Variants in EBF1 observed in about 807,000 individuals in gnomAD.
EBF1 encodes transcription factor COE1.
In EBF1, 10 loss-of-function variants were observed where a neutral mutation model predicts 68.4. The observed-to-expected ratio is 0.15, with a 90% confidence interval of 0.09 to 0.25. EBF1 has a LOEUF of 0.25. EBF1 is among the 10% of genes least tolerant of loss of function. EBF1 has a pLI of 1.00. For synonymous variants in EBF1, 298 were observed against 299.8 expected, an observed-to-expected ratio of 0.99 and a Z score of 0.06; for missense variants, 509 against 794.4, an observed-to-expected ratio of 0.64 and a Z score of 4.32.
rs548377566 is a variant in EBF1 at position 158,827,035 on chromosome 5, C to A, written c.637-3718G>T. ...TGTCCCTGACTCTCAATGGGAATAA[C>A]CACCATACTTAACTCATAAGGTAAC... is the stretch of plus-strand genomic sequence containing the variant. On this transcript the variant is annotated intron_variant, in intron 7 of 15. Coordinates refer to ENST00000313708, the MANE Select transcript of EBF1 (RefSeq NM_024007.5). 7.9e-5 allele frequency among the ~76,000 whole-genome samples: 12 copies of A among 152,220 alleles called. No individual in the cohort carries two copies. In the South Asian group the frequency reaches 2.1e-3, roughly 26 times the overall value.
intron 8 of EBF1, among the ~76,000 whole-genome samples, chr5:158,803,354 GTT>G (rs34836103): frequency 0.79 from 106,111 of 133,872 alleles, 41,704 homozygotes; most frequent in East Asian, 0.91. Context: ...TTTTGCTGGT[GTT>G]TTTTTTTTTT....
At chr5:158,900,918 T>C (rs930595537) in intron 6 of EBF1, among the ~76,000 whole-genome samples, 4 of 152,222 alleles carry the variant, frequency 2.6e-5, no homozygotes, top group Non-Finnish European at 5.9e-5. Context: ...CATTAGTCAA[T>C]TGGAGAACAG....
intron 6 of EBF1, among the ~76,000 whole-genome samples, chr5:159,063,924 C>T (rs1465115707): frequency 6.6e-6 from 1 of 152,130 alleles, no homozygotes; most frequent in African/African-American, 2.4e-5. Context: ...AACTGAGCCC[C>T]CTGAGGCTCA....
At chr5:158,909,328 T>A (rs1239894870) in intron 6 of EBF1, among the ~76,000 whole-genome samples, 1 of 152,034 alleles carries the variant, frequency 6.6e-6, no homozygotes, top group East Asian at 1.9e-4. Context: ...AGGGGTTCTG[T>A]TTGGCTGGTT....
At chr5:158,735,205 A>C (rs1307390818) in intron 10 of EBF1, among the ~76,000 whole-genome samples, 1 of 152,188 alleles carries the variant, frequency 6.6e-6, no homozygotes, top group African/African-American at 2.4e-5. Flanking sequence ...CTCTACTTGC[A>C]GAGCTGGGAT....
rs917707531 is a variant in EBF1, at chr5:158,696,397, C to G, written c.*2714G>C. The G allele has an allele frequency of 4.5e-6, 1 of 221,828 alleles. No individual in the cohort carries two copies. The highest frequency in any genetic ancestry group is 9.0e-6 in the Non-Finnish European group (1 of 110,982). The allele number at this position is 221,828 out of a possible 1,614,324, so 13.7% of individuals were successfully genotyped here. On this transcript the variant is annotated 3_prime_UTR_variant, in exon 16 of 16. Coordinates refer to ENST00000313708, the MANE Select transcript of EBF1 (RefSeq NM_024007.5). ...ACATTTTAAAGGCTCTTTGGACTTTCAAGAAGAGTTCTAACCACTGCACAT... is the reference window on the plus strand; with the variant it reads ...ACATTTTAAAGGCTCTTTGGACTTTGAAGAAGAGTTCTAACCACTGCACAT...
intron 6 of EBF1, among the ~76,000 whole-genome samples, chr5:158,972,930 C>G (rs776367822): frequency 1.3e-5 from 2 of 152,228 alleles, no homozygotes; most frequent in Admixed American, 6.5e-5. Context: ...AAGGCTCTGT[C>G]CCTCTGCTCC....
At chr5:158,977,112 T>C (rs1185039978) in intron 6 of EBF1, among the ~76,000 whole-genome samples, 1 of 152,154 alleles carries the variant, frequency 6.6e-6, no homozygotes, top group Non-Finnish European at 1.5e-5. Context: ...GCGACTATCA[T>C]GGAACCAGAG....
Position 158,805,308 on chromosome 5 carries a change from C to T in EBF1, c.779-8833G>A, listed in dbSNP as rs761834119. ...CAAGTCTAGTGGAAAATCTGTGACG[C>T]TAATCTTGGCTGGAGTCGTATTTTT... On this transcript the variant is annotated intron_variant, in intron 8 of 15. Transcript: ENST00000313708. Among the ~76,000 whole-genome samples, 6 of 152,232 alleles carry T rather than the reference C, an allele frequency of 3.9e-5. 1 individual carries two copies. In the South Asian group the frequency reaches 6.2e-4, roughly 16 times the overall value.
At chr5:158,870,644 C>A (rs780655889) in intron 6 of EBF1, among the ~76,000 whole-genome samples, 5 of 152,002 alleles carry the variant, frequency 3.3e-5, no homozygotes, top group Non-Finnish European at 7.4e-5. Context: ...CCACTGTACT[C>A]CAGCCTGGGC....
chr5:158,822,047 T>C (rs1365971874), intron 8 of EBF1, among the ~76,000 whole-genome samples: 1 of 152,136 alleles, frequency 6.6e-6, no homozygotes, highest in Non-Finnish European at 1.5e-5. Flanking sequence ...GGGAGTTTTC[T>C]ACCTTGTAAA....
chr5:158,885,042 C>A (rs1021853852), intron 6 of EBF1, among the ~76,000 whole-genome samples: 1 of 152,212 alleles, frequency 6.6e-6, no homozygotes, highest in Non-Finnish European at 1.5e-5. Context: ...CAAAAGCACA[C>A]CTGCCTGAGG....
At chr5:159,079,594 C>G (rs1779384180) in intron 5 of EBF1, among the ~76,000 whole-genome samples, 1 of 148,868 alleles carries the variant, frequency 6.7e-6, no homozygotes, top group Non-Finnish European at 1.5e-5. Flanking sequence ...GAAACACCCT[C>G]CTTTTATCTT....
At chr5:158,727,697 T>C (rs775012509) in intron 11 of EBF1, among the ~76,000 whole-genome samples, 32 of 152,184 alleles carry the variant, frequency 2.1e-4, no homozygotes, top group Non-Finnish European at 4.1e-4. Context: ...TGATGGTGAC[T>C]TTCAGGGACA....
chr5:159,077,432 C>T (rs116488839), intron 5 of EBF1, among the ~76,000 whole-genome samples: 6,717 of 152,108 alleles, frequency 0.044, 302 homozygotes, highest in African/African-American at 0.12. Flanking sequence ...AAAACTCCGT[C>T]TCAAAAAGAA....
In EBF1 at chr5:159,087,100, A is replaced by G. The variant is rs375229837; in HGVS notation, c.412-2361T>C. On this transcript the variant is annotated intron_variant, in intron 4 of 15. Transcript: ENST00000313708. ...ATCCTATTAGTACTACATGGTTTGT[A>G]TGTTCTCTAAATACTCGTAATAATC... Among the ~76,000 whole-genome samples, 143 of 151,976 alleles carry G rather than the reference A, an allele frequency of 9.4e-4. 1 individual carries two copies. The South Asian group carries it at 0.029, about 30-fold the overall frequency.
At chr5:158,836,882 G>A (rs949140125) in intron 7 of EBF1, among the ~76,000 whole-genome samples, 2 of 152,108 alleles carry the variant, frequency 1.3e-5, no homozygotes, top group African/African-American at 4.8e-5. Context: ...GGTGGCCAAG[G>A]TAGCTGCCCC....
intron 6 of EBF1, among the ~76,000 whole-genome samples, chr5:159,044,958 A>G (rs2127788937): frequency 6.6e-6 from 1 of 152,330 alleles, no homozygotes; most frequent in South Asian, 2.1e-4. Flanking sequence ...AAGATTCAAA[A>G]GAAGGGGAAA....
intron 6 of EBF1, among the ~76,000 whole-genome samples, chr5:158,901,406 G>T (rs1228253160): frequency 2.0e-5 from 3 of 152,180 alleles, no homozygotes; most frequent in Admixed American, 2.0e-4. Context: ...TGTTTGTCTT[G>T]TTCTTGGCTA....
Sources: allele counts gnomAD v4.1 joint callset (sites outside exome capture counted in the v4.1 genomes callset), GRCh38; gene constraint gnomAD v4.1.1; transcripts MANE v1.5; gene names NCBI Gene and HGNC (gene_info 2026-07-23, HGNC 2026-07-21).